Variants in ARHGEF9 observed in about 807,000 individuals in gnomAD.
The protein encoded by ARHGEF9 is rho guanine nucleotide exchange factor 9.
Under a neutral mutation model 41.3 loss-of-function variants are expected in ARHGEF9, and 2 were observed. The ratio of observed to expected loss-of-function variants is 0.05; its 90% CI spans 0.02 to 0.15. The LOEUF is 0.15. ARHGEF9 is among the 10% of genes least tolerant of loss of function. The pLI is 1.00. For synonymous variants in ARHGEF9, 160 were observed against 154.4 expected, an observed-to-expected ratio of 1.04 and a Z score of -0.27; for missense variants, 225 against 424.7, an observed-to-expected ratio of 0.53 and a Z score of 4.13.
intron 1 of ARHGEF9, among the ~76,000 whole-genome samples, chrX:63,749,011 C>T (rs1556437427): frequency 8.9e-6 from 1 of 112,250 alleles, no homozygotes; most frequent in African/African-American, 3.2e-5. Flanking sequence ...TAGGCTTCAG[C>T]AATTCACACT....
At chrX:63,684,209 G>C (rs1379607001) in intron 4 of ARHGEF9, among the ~76,000 whole-genome samples, 1 of 109,534 alleles carries the variant, frequency 9.1e-6, no homozygotes, top group South Asian at 3.8e-4. Context: ...AATGAGCAAA[G>C]AATTTGAATA....
intron 5 of ARHGEF9, among the ~76,000 whole-genome samples, chrX:63,675,875 G>A (rs1556361634): frequency 3.6e-5 from 4 of 112,216 alleles, no homozygotes; most frequent in African/African-American, 1.3e-4. Context: ...AATAAACTGA[G>A]AAGACAAGAG....
intron 4 of ARHGEF9, among the ~76,000 whole-genome samples, chrX:63,682,241 G>T (rs1160534910): frequency 9.0e-6 from 1 of 111,430 alleles, no homozygotes; most frequent in Non-Finnish European, 1.9e-5. Flanking sequence ...AGGGCCAGGC[G>T]CTGTGGCTCA....
intron 2 of ARHGEF9, among the ~76,000 whole-genome samples, chrX:63,710,824 T>C (rs1230420487): frequency 9.0e-6 from 1 of 111,029 alleles, no homozygotes; most frequent in African/African-American, 3.3e-5. Context: ...ATACTGAAGG[T>C]TCTAGCCAGA....
intron 1 of ARHGEF9, among the ~76,000 whole-genome samples, chrX:63,749,858 C>A (rs1556438766): frequency 1.8e-5 from 2 of 112,195 alleles, no homozygotes; most frequent in Non-Finnish European, 3.8e-5. Flanking sequence ...TACTTTCGTG[C>A]TAGAGCAAAG....
intron 4 of ARHGEF9, among the ~76,000 whole-genome samples, chrX:63,682,414 C>T (rs1468205609): frequency 4.6e-5 from 5 of 109,577 alleles, no homozygotes; most frequent in South Asian, 7.7e-4. Flanking sequence ...ACTTGGGAGG[C>T]CGAGGCAGGA....
intron 5 of ARHGEF9, among the ~76,000 whole-genome samples, chrX:63,677,534 C>A (rs2050332500): frequency 9.0e-6 from 1 of 111,308 alleles, no homozygotes; most frequent in Non-Finnish European, 1.9e-5. Flanking sequence ...ATTCCTGAGA[C>A]CTGCCAAAAG....
intron 8 of ARHGEF9, among the ~76,000 whole-genome samples, chrX:63,650,635 TA>T (rs1182915334): frequency 3.1e-4 from 34 of 110,178 alleles, no homozygotes; most frequent in African/African-American, 8.5e-4. Context: ...TCAAAATAGC[TA>T]AAAAAAATAT....
chrX:63,657,633 T>A (rs1421656603), intron 7 of ARHGEF9: 2 of 111,626 alleles, frequency 1.8e-5, no homozygotes, highest in East Asian at 2.8e-4. Context: ...AGGGCCAATG[T>A]TGCCCCAAGC....
Position 63,635,278 on chromosome X carries a change from TAGAG to T in ARHGEF9, c.*2746_*2749del, listed in dbSNP as rs1395505645. 2.2e-6 allele frequency: 1 copy of T among 456,969 alleles called. No individual in the cohort carries two copies. The highest frequency in any genetic ancestry group is 4.0e-6 in the Non-Finnish European group (1 of 248,387). The allele number at this position is 456,969 out of a possible 1,213,427, so 37.7% of individuals were successfully genotyped here. On this transcript the variant is annotated 3_prime_UTR_variant, in exon 10 of 10. Transcript: ENST00000671741. ...TATAGATCCATTAGAAATATACACA[TAGAG>T]AGGGGGGGAAAAAGAGAGAATAATT...
At position 63,637,875 on chromosome X, in the gene ARHGEF9, T is replaced by G. The variant is rs782815482; in HGVS notation, c.*153A>C. ...GTGTGTGTGTGTGTGTGTGTGTGTG[T>G]GTGTGTCTGTGTGTGTGTGTGTGTA... On this transcript the variant is annotated 3_prime_UTR_variant, in exon 10 of 10. Transcript: ENST00000671741. 2.4e-6 allele frequency: 1 copy of G among 414,704 alleles called. No homozygotes were observed. Among genetic ancestry groups the G allele is most frequent in the Non-Finnish European group, 4.1e-6 (1 of 243,238 alleles). 34.2% of individuals were successfully genotyped at this position (414,704 alleles called of 1,213,427 possible).
At chrX:63,742,623 C>T (rs1365288323) in intron 1 of ARHGEF9, among the ~76,000 whole-genome samples, 2 of 111,864 alleles carry the variant, frequency 1.8e-5, no homozygotes, top group African/African-American at 6.5e-5. Context: ...TCTTCCCCAT[C>T]CTTTGGGATG....
At position 63,776,876 on chromosome X, in the gene ARHGEF9, C is replaced by T. The variant is rs1316051393; in HGVS notation, c.30+8240G>A. Among the ~76,000 whole-genome samples the T allele has an allele frequency of 3.6e-5, 4 of 111,391 alleles. No individual in the cohort carries two copies. The Admixed American group carries it at 3.8e-4, about 11-fold the overall frequency. On this transcript the variant is annotated intron_variant, in intron 1 of 9. Coordinates refer to ENST00000671741, the MANE Select transcript of ARHGEF9 (RefSeq NM_001353921.2). ...GAACTTCAACTGTCATCAATACCTC[C>T]CAATCCCTCTGAGCTCAATATCTGA...
intron 3 of ARHGEF9, among the ~76,000 whole-genome samples, chrX:63,705,006 G>A (rs1556399945): frequency 1.8e-5 from 2 of 112,505 alleles, no homozygotes; most frequent in Admixed American, 9.4e-5. Flanking sequence ...TGTCATTACA[G>A]ATATATGGTT....
chrX:63,654,907 C>T (rs1484120627), intron 8 of ARHGEF9, among the ~76,000 whole-genome samples: 2 of 112,070 alleles, frequency 1.8e-5, no homozygotes, highest in African/African-American at 6.5e-5. Flanking sequence ...AAAAATATCT[C>T]TACTATCTAT....
intron 1 of ARHGEF9, among the ~76,000 whole-genome samples, chrX:63,761,241 G>A (rs1242150797): frequency 1.8e-5 from 2 of 111,874 alleles, no homozygotes; most frequent in Admixed American, 9.5e-5. Flanking sequence ...GGAGACAAGA[G>A]ACTTGTTTGA....
intron 1 of ARHGEF9, among the ~76,000 whole-genome samples, chrX:63,730,841 T>A (rs1476740979): frequency 1.8e-5 from 2 of 112,012 alleles, no homozygotes; most frequent in African/African-American, 3.3e-5. Flanking sequence ...TGGGGTCATG[T>A]AAGCAGCATG....
At chrX:63,708,486 C>T (rs2052702631) in intron 2 of ARHGEF9, among the ~76,000 whole-genome samples, 1 of 112,267 alleles carries the variant, frequency 8.9e-6, no homozygotes, top group African/African-American at 3.2e-5. Flanking sequence ...TCAAGCTATA[C>T]ACCATGACAC....
intron 4 of ARHGEF9, among the ~76,000 whole-genome samples, chrX:63,688,640 C>T (rs781980265): frequency 1.8e-5 from 2 of 111,690 alleles, no homozygotes; most frequent in South Asian, 3.7e-4. Context: ...TGTGATGGCA[C>T]GTGCCTATAA....
Sources: allele counts gnomAD v4.1 joint callset (sites outside exome capture counted in the v4.1 genomes callset), GRCh38; gene constraint gnomAD v4.1.1; transcripts MANE v1.5; gene names NCBI Gene and HGNC (gene_info 2026-07-23, HGNC 2026-07-21).